Variants in CNIH4 observed in about 807,000 individuals in gnomAD.
The protein encoded by CNIH4 is cornichon family member 4.
CNIH4 carries 9 observed loss-of-function variants against 21.5 expected under a neutral mutation model. The ratio of observed to expected loss-of-function variants is 0.42; its 90% confidence interval spans 0.25 to 0.73. The LOEUF (loss-of-function observed/expected upper bound fraction) is 0.73. Ranked by LOEUF, CNIH4 falls within the 30% of genes least tolerant of loss-of-function variation. The pLI, the probability that CNIH4 is intolerant of heterozygous loss-of-function variation, is 0.27. For missense variants in CNIH4, 159 were observed against 170.0 expected, an observed-to-expected ratio of 0.94 and a Z score of 0.36; for synonymous variants, 67 against 59.1, an observed-to-expected ratio of 1.13 and a Z score of -0.61.
In CNIH4 at chr1:224,377,136, GGAA is replaced by G. The variant is rs1418493041; in HGVS notation, c.*1316_*1318del. ...TGCAGACAGACCATGTTTCAAGGCT[GGAA>G]GTAGTGCCCTGGCAACACACAAAAG... On this transcript the variant is annotated 3_prime_UTR_variant, in exon 5 of 5. Transcript: ENST00000465271. 6.4e-6 allele frequency: 1 copy of G among 157,242 alleles called. No individual in the cohort carries two copies. The highest frequency in any genetic ancestry group is 1.4e-5 in the Non-Finnish European group (1 of 72,630). The allele number at this position is 157,242 out of a possible 1,614,324, so 9.7% of individuals were successfully genotyped here. A position where few individuals can be genotyped will look rare whatever the true frequency, so the allele number is the denominator to read the frequency against.
chr1:224,357,201 C>A, intron 1 of CNIH4: 1 of 561,044 alleles, frequency 1.8e-6, no homozygotes, highest in Non-Finnish European at 3.1e-6. Context: ...TGCTGCCCTG[C>A]ACGCACTTGC....
chr1:224,372,020 C>T (rs1416478099), intron 4 of CNIH4, among the ~76,000 whole-genome samples: 1 of 152,150 alleles, frequency 6.6e-6, no homozygotes, highest in African/African-American at 2.4e-5. Flanking sequence ...TGTGCCTCAG[C>T]GACCATCCCA....
chr1:224,361,758 A>ATT (rs954813166), intron 2 of CNIH4, among the ~76,000 whole-genome samples: 1 of 150,136 alleles, frequency 6.7e-6, no homozygotes, highest in Non-Finnish European at 1.5e-5. Flanking sequence ...GATTTTTAAA[A>ATT]TTTTTTTGTA....
chr1:224,374,255 G>C (rs1341479263), intron 4 of CNIH4, among the ~76,000 whole-genome samples: 2 of 152,152 alleles, frequency 1.3e-5, no homozygotes, highest in Non-Finnish European at 2.9e-5. Flanking sequence ...GGACCTAGTT[G>C]ACATTTCAGG....
intron 4 of CNIH4, among the ~76,000 whole-genome samples, chr1:224,375,072 ACTG>A (rs1343985139): frequency 6.6e-6 from 1 of 152,200 alleles, no homozygotes; most frequent in African/African-American, 2.4e-5. Flanking sequence ...TTATTGGGTG[ACTG>A]CTGTGTGTCA....
rs1672822787 is a variant in CNIH4, at chr1:224,377,839, A to AAAC, written c.*2019_*2021dup. 6.6e-6 allele frequency: 1 copy of AAAC among 152,122 alleles called. No individual in the cohort carries two copies. Among genetic ancestry groups the AAAC allele is most frequent in the Non-Finnish European group, 1.5e-5 (1 of 68,044 alleles). The allele number at this position is 152,122 out of a possible 1,614,324, so 9.4% of individuals were successfully genotyped here. ...CTCATTCAGATATTCTTAGTAACCA[A>AAAC]AACAGTGACTCATGCAGTTGAGAGA... is the stretch of plus-strand genomic sequence containing the variant. On this transcript the variant is annotated 3_prime_UTR_variant, in exon 5 of 5. Transcript: ENST00000465271.
intron 1 of CNIH4, 42 bp downstream of exon 1, chr1:224,357,035 C>T (rs535335915): frequency 1.3e-6 from 2 of 1,585,526 alleles, no homozygotes; most frequent in East Asian, 2.3e-5. Context: ...CCGGGGGACA[C>T]GGCTGAGGGT....
rs1470691879 is a variant in CNIH4, at chr1:224,377,012, G to A, written c.*1190G>A. ...AGATAGAATTGGGTGGCTAAACAGG[G>A]TGTGTGGTACCCAAAAGATTAAATG... On this transcript the variant is annotated 3_prime_UTR_variant, in exon 5 of 5. Coordinates refer to ENST00000465271, the MANE Select transcript of CNIH4 (RefSeq NM_014184.4). 1 of 666,364 alleles carries A rather than the reference G, an allele frequency of 1.5e-6. No individual in the cohort carries two copies. The highest frequency in any genetic ancestry group is 6.3e-5 in the Admixed American group (1 of 15,892). The allele number at this position is 666,364 out of a possible 1,614,324, so 41.3% of individuals were successfully genotyped here.
chr1:224,366,709 AGCACTTTGGGAG>A (rs1486774600), intron 3 of CNIH4, among the ~76,000 whole-genome samples: 1 of 106,726 alleles, frequency 9.4e-6, no homozygotes, highest in Non-Finnish European at 1.9e-5. Context: ...CTGTAATCCC[AGCACTTTGGGAG>A]GCTGAGGTGG....
At position 224,367,637 on chromosome 1, in the gene CNIH4, C is replaced by T. The variant is rs141504095; in HGVS notation, c.251+1646C>T. Among the ~76,000 whole-genome samples, 28 of 151,952 alleles carry T rather than the reference C, an allele frequency of 1.8e-4. No homozygotes were observed. The East Asian group carries it at 4.1e-3, about 22-fold the overall frequency. On this transcript the variant is annotated intron_variant, in intron 3 of 4. Coordinates refer to ENST00000465271, the MANE Select transcript of CNIH4 (RefSeq NM_014184.4). The stretch of plus-strand genomic sequence containing the variant: ...ACAGCCTTGAACTCCTGGGCTGAAG[C>T]GATCTTCCCACCTCAGCCTCCTGGG...
At chr1:224,375,649 A>G in intron 4 of CNIH4, 146 bp from the exon 5 acceptor site, 2 of 846,194 alleles carry the variant, frequency 2.4e-6, no homozygotes, top group Non-Finnish European at 3.6e-6. Flanking sequence ...AGATCCTAAT[A>G]TATTCTTTCC....
chr1:224,368,721 A>C (rs998796757), intron 3 of CNIH4, among the ~76,000 whole-genome samples: 1 of 151,004 alleles, frequency 6.6e-6, no homozygotes, highest in Non-Finnish European at 1.5e-5. Flanking sequence ...CAGTGGCGTG[A>C]TGTTTGCTTA....
chr1:224,364,522 T>G, intron 2 of CNIH4: 1 of 270,024 alleles, frequency 3.7e-6, no homozygotes, highest in Non-Finnish European at 5.7e-6. Context: ...TTCCCAAGAT[T>G]GCACAGCTAA....
chr1:224,357,203 C>T (rs895038708), intron 1 of CNIH4: 6 of 514,852 alleles, frequency 1.2e-5, no homozygotes, highest in Admixed American at 3.8e-5. Flanking sequence ...CTGCCCTGCA[C>T]GCACTTGCCC....
chr1:224,369,700 G>A (rs2102863263), intron 3 of CNIH4, among the ~76,000 whole-genome samples: 1 of 145,040 alleles, frequency 6.9e-6, no homozygotes, highest in South Asian at 2.2e-4. Flanking sequence ...TTTTGAGACG[G>A]AGGTTTGCTC....
At chr1:224,370,567 T>A (rs1165104111) in intron 3 of CNIH4, among the ~76,000 whole-genome samples, 1 of 152,214 alleles carries the variant, frequency 6.6e-6, no homozygotes, top group Non-Finnish European at 1.5e-5. Flanking sequence ...CCTAACTTCC[T>A]TAATTTCCCT....
chr1:224,366,161 C>T (rs1355963768), intron 3 of CNIH4, among the ~76,000 whole-genome samples, 170 bp downstream of exon 3: 2 of 151,826 alleles, frequency 1.3e-5, no homozygotes, highest in Non-Finnish European at 2.9e-5. Context: ...CCCACTTCAG[C>T]CTCCCAAGTA....
intron 2 of CNIH4, among the ~76,000 whole-genome samples, chr1:224,363,607 G>A (rs1672363891): frequency 6.6e-6 from 1 of 152,086 alleles, no homozygotes; most frequent in Non-Finnish European, 1.5e-5. Flanking sequence ...CTGCAGATGT[G>A]CACCACCATG....
chr1:224,375,166 A>G (rs1053785054), intron 4 of CNIH4, among the ~76,000 whole-genome samples: 4 of 152,194 alleles, frequency 2.6e-5, no homozygotes, highest in African/African-American at 7.2e-5. Context: ...TGGTAATTGC[A>G]GGCCCGGTTG....
Sources: gnomAD v4.1 joint callset for allele counts (sites outside exome capture counted in the v4.1 genomes callset) on GRCh38, gnomAD v4.1.1 for gene constraint, MANE v1.5 for transcripts, NCBI Gene and HGNC (gene_info 2026-07-23, HGNC 2026-07-21) for gene names.